The following EGLN2 variants were observed in gnomAD, a reference collection of about 807,000 sequenced individuals.
EGLN2 encodes the protein egl-9 family hypoxia inducible factor 2.
EGLN2 carries 15 observed loss-of-function variants against 38.2 expected under a neutral mutation model. The observed-to-expected ratio is 0.39, with a 90% CI of 0.26 to 0.60. The LOEUF is 0.60. EGLN2 is among the 20% of genes least tolerant of loss of function. EGLN2 has a pLI of 0.50. For synonymous variants in EGLN2, 284 were observed against 237.4 expected (o/e 1.20, Z -1.81); for missense variants, 492 against 570.4 (o/e 0.86, Z 1.40).
Position 40,801,321 on chromosome 19 carries a change from G to T in EGLN2, c.749G>T (p.Cys250Phe). ...IAWVEGHEPG[C>F]RSIGALMAHV... The stretch of plus-strand genomic sequence containing the variant: ...TGGGTGGAAGGCCATGAACCAGGCT[G>T]TCGAAGCATTGGTGCCCTCATGGCC... Residue 250 changes from cysteine to phenylalanine, a missense_variant, in exon 2 of 6, where the codon TGT becomes TTT. Cys to Phe is a radical substitution (Grantham distance 205). Coordinates refer to ENST00000303961, the MANE Select transcript of EGLN2 (RefSeq NM_080732.4). 1 of 1,612,782 alleles carries T rather than the reference G, an allele frequency of 6.2e-7. No homozygotes were observed.
chr19:40,801,441 G>C lies in EGLN2; in HGVS notation c.843+26G>C, dbSNP rs762161605. On this transcript the variant is annotated intron_variant, in intron 2 of 5. Transcript: ENST00000303961. ...GTAAGGCTAGGTGGGGGCCTCTTTG[G>C]AGGGGCTTTGCAGCACCCTGGTTTG... is the stretch of plus-strand genomic sequence containing the variant. The C allele has an allele frequency of 1.1e-5, 17 of 1,587,552 alleles. 1 individual carries two copies. The East Asian group carries it at 3.8e-4, about 36-fold the overall frequency.
chr19:40,806,796 C>A, intron 3 of EGLN2, 122 bp downstream of exon 3: 1 of 1,366,080 alleles, frequency 7.3e-7, no homozygotes. Flanking sequence ...CTCTTCTCAA[C>A]ACACAGCGGG....
intron 2 of EGLN2, 148 bp downstream of exon 2, chr19:40,801,563 TG>T: frequency 1.8e-6 from 2 of 1,122,474 alleles, no homozygotes; most frequent in Middle Eastern, 3.1e-4. Flanking sequence ...TGCTTACTTG[TG>T]GGGACTTGGG....
At chr19:40,801,683 T>G (rs1006901336) in intron 2 of EGLN2, among the ~76,000 whole-genome samples, 5 of 150,656 alleles carry the variant, frequency 3.3e-5, no homozygotes, top group Admixed American at 6.6e-5. Flanking sequence ...TCTTTTCTTT[T>G]TTTATTGATC....
rs1164976268 is a variant in EGLN2 at position 40,808,059 on chromosome 19, G to GT, written c.*197dup. 7 of 628,608 alleles carry GT rather than the reference G, an allele frequency of 1.1e-5. No homozygotes were observed. The highest frequency in any genetic ancestry group is 1.9e-5 in the Non-Finnish European group (7 of 360,712). The allele number at this position is 628,608 out of a possible 1,614,324, so 38.9% of individuals were successfully genotyped here. A position where few individuals can be genotyped will look rare whatever the true frequency, so the allele number is the denominator to read the frequency against. On this transcript the variant is annotated 3_prime_UTR_variant, in exon 6 of 6. Transcript: ENST00000303961. ...TTGCTGCCCCATCATGGGGGCTGGGGTTGTCACCTGGACAGGGGGCAGCCG... is the reference window on the plus strand; with the variant it reads ...TTGCTGCCCCATCATGGGGGCTGGGGTTTGTCACCTGGACAGGGGGCAGCCG...
At position 40,800,670 on chromosome 19, in the gene EGLN2, G is replaced by C. The variant is rs746774001; in HGVS notation, c.98G>C (p.Arg33Thr). The change falls in exon 2 of 6, where the codon AGG becomes ACG. Residue 33 changes from arginine (R) to threonine (T), a missense_variant. Arg to Thr is a moderately conservative substitution (Grantham distance 71). Coordinates refer to ENST00000303961, the MANE Select transcript of EGLN2 (RefSeq NM_080732.4). ...EPLEPEPGRA[R>T]MGVESYLPCP... The stretch of plus-strand genomic sequence containing the variant: ...TTGGAGCCTGAGCCTGGCCGGGCCA[G>C]GATGGGAGTGGAGAGTTACCTGCCC... 3 of 1,614,060 alleles carry C rather than the reference G, an allele frequency of 1.9e-6. No individual in the cohort carries two copies. In the Admixed American group the frequency reaches 5.0e-5, roughly 27 times the overall value.
intron 2 of EGLN2, chr19:40,805,166 A>C (rs962175688): frequency 7.2e-5 from 11 of 152,556 alleles, no homozygotes; most frequent in African/African-American, 2.6e-4. Flanking sequence ...CCATAGGTGT[A>C]GCTGAGCATT....
intron 4 of EGLN2, 62 bp from the exon 5 acceptor site, chr19:40,807,422 G>A: frequency 1.2e-6 from 2 of 1,608,944 alleles, no homozygotes; most frequent in African/African-American, 1.3e-5. Context: ...TGGCCGCCTA[G>A]TGTGTGTGGA....
intron 3 of EGLN2, 45 bp from the exon 4 acceptor site, chr19:40,807,093 G>A: frequency 6.2e-7 from 1 of 1,606,742 alleles, no homozygotes; most frequent in Non-Finnish European, 8.5e-7. Flanking sequence ...GGAGGCAGCG[G>A]CTCCTGGCCG....
chr19:40,799,425 A>G (rs2083233418), intron 1 of EGLN2, 163 bp downstream of exon 1: 1 of 101,968 alleles, frequency 9.8e-6, no homozygotes, highest in Admixed American at 1.2e-4. Context: ...CGCGCCGGTT[A>G]CGTTGGGTGC....
intron 2 of EGLN2, among the ~76,000 whole-genome samples, chr19:40,803,684 C>A (rs966164114): frequency 6.6e-6 from 1 of 152,122 alleles, no homozygotes; most frequent in African/African-American, 2.4e-5. Flanking sequence ...ACAGGTGCTC[C>A]GTTGACCTGT....
rs1332282018 is a variant in EGLN2, at chr19:40,807,704, A to G, written c.1169-105A>G. On this transcript the variant is annotated intron_variant, in intron 5 of 5. Coordinates refer to ENST00000303961, the MANE Select transcript of EGLN2 (RefSeq NM_080732.4). ...CTTAGCCCACTCTCCTGGTACCCCA[A>G]CAGGAGCCCCATTTCTTCCTGGTCC... The G allele has an allele frequency of 7.0e-6, 10 of 1,424,382 alleles. No homozygotes were observed. The South Asian group carries it at 9.5e-5, about 13-fold the overall frequency. 88.2% of individuals were successfully genotyped at this position (1,424,382 alleles called of 1,614,324 possible).
chr19:40,807,408 A>G lies in EGLN2; in HGVS notation c.1101-76A>G, dbSNP rs1040532134. ...TGGGAGCAGAACCGGGTGGCTCAAA[A>G]GGATGGCCGCCTAGTGTGTGTGGAT... On this transcript the variant is annotated intron_variant, in intron 4 of 5. Transcript: ENST00000303961. 6 of 1,605,430 alleles carry G rather than the reference A, an allele frequency of 3.7e-6. No individual in the cohort carries two copies. The African/African-American group carries it at 8.0e-5, about 21-fold the overall frequency.
chr19:40,807,675 C>T (rs2083315556), intron 5 of EGLN2, 124 bp downstream of exon 5: 2 of 1,405,602 alleles, frequency 1.4e-6, no homozygotes, highest in South Asian at 2.4e-5. Flanking sequence ...CTCTGCCCAC[C>T]TTCCTTAGCC....
chr19:40,806,594 G>T lies in EGLN2; in HGVS notation c.883G>T (p.Val295Leu). The change falls in exon 3 of 6, where the codon GTA becomes TTA. Residue 295 changes from valine (V) to leucine (L), a missense_variant. This residue lies in a region of EGLN2 where 114 missense variants were observed against 184.2 expected (regional missense o/e 0.62). Transcript: ENST00000303961. ...TTACCCAGGCAACGGGCTCGGGTAC[G>T]TAAGGCACGTTGACAATCCCCACGG... is the stretch of plus-strand genomic sequence containing the variant. ...ACYPGNGLGY[V>L]RHVDNPHGDG... is the part of the protein sequence containing the mutation. 1 of 1,614,092 alleles carries T rather than the reference G, an allele frequency of 6.2e-7. No homozygotes were observed. The highest frequency in any genetic ancestry group is 1.1e-5 in the South Asian group (1 of 91,080).
At position 40,800,710 on chromosome 19, in the gene EGLN2, C is replaced by T. The variant is rs367691745; in HGVS notation, c.138C>T (p.Pro46=). The T allele has an allele frequency of 5.6e-6, 9 of 1,613,962 alleles. No individual in the cohort carries two copies. In the African/African-American group the frequency reaches 9.3e-5, roughly 17 times the overall value. ...VESYLPCPLL[P]SYHCPGVPSE... ...GTTACCTGCCCTGTCCCCTGCTCCC[C>T]TCCTACCACTGTCCAGGAGTGCCTA... Residue 46 remains proline, a synonymous_variant, in exon 2 of 6, where the codon CCC becomes CCT. Coordinates refer to ENST00000303961, the MANE Select transcript of EGLN2 (RefSeq NM_080732.4).
At chr19:40,807,360 G>T (rs974056808) in intron 4 of EGLN2, 86 bp downstream of exon 4, 2 of 1,605,064 alleles carry the variant, frequency 1.2e-6, no homozygotes, top group Admixed American at 3.3e-5. Context: ...AGGGAGCGAC[G>T]AAGTATTGAG....
Position 40,808,215 on chromosome 19 carries a change from T to C in EGLN2, c.*351T>C, listed in dbSNP as rs2083320135. ...CAGGATGCAGGACTTGGGGTTGAGG[T>C]GAGTCATGGCCTCTTGCTGGCAATG... On this transcript the variant is annotated 3_prime_UTR_variant, in exon 6 of 6. Coordinates refer to ENST00000303961, the MANE Select transcript of EGLN2 (RefSeq NM_080732.4). 4 of 457,966 alleles carry C rather than the reference T, an allele frequency of 8.7e-6. No homozygotes were observed. Among genetic ancestry groups the C allele is most frequent in the Non-Finnish European group, 1.5e-5 (4 of 259,204 alleles). 28.4% of individuals were successfully genotyped at this position (457,966 alleles called of 1,614,324 possible).
chr19:40,806,816 C>G (rs989013815), intron 3 of EGLN2, 142 bp downstream of exon 3: 1 of 1,200,670 alleles, frequency 8.3e-7, no homozygotes, highest in Non-Finnish European at 1.2e-6. Flanking sequence ...GCAGTGCGAT[C>G]TGCCGGCTCT....
Sources: gnomAD v4.1 joint callset for allele counts (sites outside exome capture counted in the v4.1 genomes callset) on GRCh38, gnomAD v4.1.1 for gene constraint, gnomAD v4.1.1 regional missense constraint, MANE v1.5 for transcripts, NCBI Gene and HGNC (gene_info 2026-07-23, HGNC 2026-07-21) for gene names.